Variants in FAM178B observed in about 807,000 individuals in gnomAD.
The protein encoded by FAM178B is protein FAM178B.
FAM178B carries 82 observed loss-of-function variants against 91.7 expected under a neutral mutation model. The ratio of observed to expected loss-of-function variants is 0.89; its 90% CI spans 0.75 to 1.07. The LOEUF (loss-of-function observed/expected upper bound fraction) is 1.07. Ranked by LOEUF, FAM178B falls within the 50% of genes least tolerant of loss-of-function variation. The pLI, the probability that FAM178B is intolerant of heterozygous loss-of-function variation, is 0.00. For synonymous variants in FAM178B, 368 were observed against 359.4 expected (o/e 1.02, Z -0.27); for missense variants, 769 against 846.7 (o/e 0.91, Z 1.14).
chr2:96,878,009 G>T lies in FAM178B; in HGVS notation c.1888C>A (p.Arg630Ser). The stretch of plus-strand genomic sequence containing the variant: ...TCCCGGATCTGCGTGCTGATGTGGC[G>T]GTCCAACTGCATGCACAGCAGCTGC... ...ELQLLCMQLD[R>S]HISTQIRESP... is the part of the protein sequence containing the mutation. Residue 630 changes from arginine (R) to serine (S), a missense_variant, in exon 16 of 17, where the codon CGC (arginine) becomes AGC (serine). Arg to Ser is a moderately radical substitution (Grantham distance 110, BLOSUM62 -1). Transcript: ENST00000490605. The T allele has an allele frequency of 6.2e-7, 1 of 1,612,152 alleles. No individual in the cohort carries two copies. Among genetic ancestry groups the T allele is most frequent in the Non-Finnish European group, 8.5e-7 (1 of 1,180,030 alleles).
chr2:96,980,486 C>T (rs1191403949), intron 1 of FAM178B, among the ~76,000 whole-genome samples: 1 of 152,156 alleles, frequency 6.6e-6, no homozygotes, highest in Admixed American at 6.5e-5. Flanking sequence ...CAGCCTAGAA[C>T]TCTTGGCCTC....
chr2:96,986,542 C>T lies in FAM178B; in HGVS notation c.-229G>A. The T allele has an allele frequency of 2.2e-6, 1 of 453,818 alleles. No individual in the cohort carries two copies. The highest frequency in any genetic ancestry group is 2.1e-5 in the African/African-American group (1 of 48,622). The allele number at this position is 453,818 out of a possible 1,614,324, so 28.1% of individuals were successfully genotyped here. A position where few individuals can be genotyped will look rare whatever the true frequency, so the allele number is the denominator to read the frequency against. ...CCAAACCAAGCGGCCAGCTCACAGC[C>T]GCCGCCGCCGCCAGCTGGGGAGCTC... On this transcript the variant is annotated 5_prime_UTR_variant, in exon 1 of 17. Coordinates refer to ENST00000490605, the MANE Select transcript of FAM178B (RefSeq NM_001122646.3).
chr2:96,972,742 C>T (rs1404568168), intron 1 of FAM178B, 136 bp from the exon 2 acceptor site: 7 of 678,836 alleles, frequency 1.0e-5, no homozygotes, highest in Non-Finnish European at 1.5e-5. Context: ...CCTTCTGATC[C>T]CACCAAGGTC....
At chr2:96,965,336 G>A (rs2082130366) in intron 5 of FAM178B, among the ~76,000 whole-genome samples, 1 of 151,930 alleles carries the variant, frequency 6.6e-6, no homozygotes, top group Non-Finnish European at 1.5e-5. Context: ...AATGTCATAC[G>A]TACACAGTGA....
chr2:96,901,805 G>C (rs922505299), intron 13 of FAM178B, among the ~76,000 whole-genome samples: 1 of 152,048 alleles, frequency 6.6e-6, no homozygotes, highest in Non-Finnish European at 1.5e-5. Context: ...CTATGCTTAA[G>C]AATGGTTAAG....
At chr2:96,906,919 C>T (rs371773710) in intron 12 of FAM178B, among the ~76,000 whole-genome samples, 7 of 152,192 alleles carry the variant, frequency 4.6e-5, no homozygotes, top group East Asian at 1.9e-4. Flanking sequence ...GAGGCCTGCG[C>T]GGGAGCTCGT....
At chr2:96,918,002 A>T (rs552111262) in intron 12 of FAM178B, among the ~76,000 whole-genome samples, 2 of 152,298 alleles carry the variant, frequency 1.3e-5, no homozygotes, top group East Asian at 3.9e-4. Flanking sequence ...AAGTAAAGCC[A>T]GTCCTGAAAG....
chr2:96,914,371 A>T (rs1366114947), intron 12 of FAM178B, among the ~76,000 whole-genome samples: 1 of 152,180 alleles, frequency 6.6e-6, no homozygotes, highest in Non-Finnish European at 1.5e-5. Flanking sequence ...GGGCATCAAG[A>T]CACAAGTGCC....
Position 96,983,479 on chromosome 2 carries a change from C to T in FAM178B, c.73+2762G>A, listed in dbSNP as rs145636021. Among the ~76,000 whole-genome samples, 1,360 of 151,894 alleles carry T rather than the reference C, an allele frequency of 9.0e-3. 24 individuals carry two copies. The highest frequency in any genetic ancestry group is 0.031 in the African/African-American group (1,264 of 41,440). On this transcript the variant is annotated intron_variant, in intron 1 of 16. Coordinates refer to ENST00000490605, the MANE Select transcript of FAM178B (RefSeq NM_001122646.3). ...ATAGTCTCGCTCTGCTGCCCAGACT[C>T]GGATGGTGTGATAACAGCTCACTGC...
chr2:96,936,449 C>T (rs1178260958), intron 8 of FAM178B, among the ~76,000 whole-genome samples: 1 of 150,926 alleles, frequency 6.6e-6, no homozygotes, highest in East Asian at 1.9e-4. Flanking sequence ...GATCTGCCCG[C>T]CTTGGCCTCC....
intron 12 of FAM178B, 137 bp downstream of exon 12, chr2:96,921,028 T>G: frequency 1.5e-6 from 1 of 671,292 alleles, no homozygotes; most frequent in East Asian, 2.8e-5. Context: ...GTGAGTTATA[T>G]TTTTAGTTCT....
At chr2:96,924,335 T>C (rs1191059950) in intron 9 of FAM178B, among the ~76,000 whole-genome samples, 1 of 152,004 alleles carries the variant, frequency 6.6e-6, no homozygotes, top group Non-Finnish European at 1.5e-5. Flanking sequence ...ATGGGGGAAA[T>C]CAGAACAAAA....
chr2:96,926,390 C>T (rs1044486201), intron 9 of FAM178B, among the ~76,000 whole-genome samples: 3 of 152,224 alleles, frequency 2.0e-5, no homozygotes, highest in African/African-American at 4.8e-5. Flanking sequence ...GCCAGGCCTG[C>T]GCATCAGAGC....
chr2:96,924,752 G>A (rs962805010), intron 9 of FAM178B, among the ~76,000 whole-genome samples: 10 of 152,180 alleles, frequency 6.6e-5, no homozygotes, highest in African/African-American at 1.9e-4. Context: ...CTTAAGAAAC[G>A]GCTTAAGGTT....
intron 12 of FAM178B, among the ~76,000 whole-genome samples, chr2:96,917,183 A>T (rs2081255336): frequency 6.6e-6 from 1 of 152,186 alleles, no homozygotes; most frequent in South Asian, 2.1e-4. Context: ...TCAACATCAA[A>T]TTTGAAAGGA....
chr2:96,894,875 C>T (rs1190460730), intron 13 of FAM178B, among the ~76,000 whole-genome samples: 1 of 115,546 alleles, frequency 8.7e-6, no homozygotes, highest in Non-Finnish European at 1.8e-5. Context: ...CCCACACCCA[C>T]CCAGTCATCC....
At chr2:96,910,532 C>T (rs940954001) in intron 12 of FAM178B, among the ~76,000 whole-genome samples, 8 of 152,198 alleles carry the variant, frequency 5.3e-5, no homozygotes, top group Admixed American at 6.5e-5. Flanking sequence ...CCCCAAACCG[C>T]ACTCCTTGCT....
At chr2:96,943,243 T>TA (rs746173151) in intron 8 of FAM178B, among the ~76,000 whole-genome samples, 19 of 152,182 alleles carry the variant, frequency 1.2e-4, no homozygotes, top group African/African-American at 3.1e-4. Flanking sequence ...ACATATCTGG[T>TA]AAAAAAGAGA....
At chr2:96,932,236 G>A (rs895171578) in intron 8 of FAM178B, among the ~76,000 whole-genome samples, 3 of 152,184 alleles carry the variant, frequency 2.0e-5, no homozygotes, top group Admixed American at 6.5e-5. Flanking sequence ...AGGCAGCAGT[G>A]CCCACTCTGC....
Sources: gnomAD v4.1 joint callset for allele counts (sites outside exome capture counted in the v4.1 genomes callset) on GRCh38, gnomAD v4.1.1 for gene constraint, MANE v1.5 for transcripts, NCBI Gene and HGNC (gene_info 2026-07-23, HGNC 2026-07-21) for gene names.